Variants in DAB1 observed in about 807,000 individuals in gnomAD.
DAB1 encodes the protein DAB adaptor protein 1.
In DAB1, 15 loss-of-function variants were observed where a neutral mutation model predicts 64.6. The ratio of observed to expected loss-of-function variants is 0.23; its 90% confidence interval spans 0.16 to 0.36. DAB1 has a LOEUF of 0.36. DAB1 is among the 10% of genes least tolerant of loss of function. The pLI is 1.00. For missense variants in DAB1, 596 were observed against 706.7 expected (o/e 0.84, Z 1.78); for synonymous variants, 235 against 251.9 (o/e 0.93, Z 0.64).
chr1:58,532,090 A>C (rs1646442932), intron 1 of DAB1, among the ~76,000 whole-genome samples: 1 of 152,228 alleles, frequency 6.6e-6, no homozygotes, highest in African/African-American at 2.4e-5. Context: ...GTTATTAAAG[A>C]ATATAATTGC....
At chr1:57,752,339 CG>C (rs1319785744) in intron 6 of DAB1, among the ~76,000 whole-genome samples, 1 of 152,010 alleles carries the variant, frequency 6.6e-6, no homozygotes, top group East Asian at 1.9e-4. Context: ...AGATATAAGC[CG>C]GGTTTTGATG....
At chr1:57,454,861 C>T (rs1686524168) in intron 7 of DAB1, among the ~76,000 whole-genome samples, 1 of 151,702 alleles carries the variant, frequency 6.6e-6, no homozygotes, top group Non-Finnish European at 1.5e-5. Context: ...AATCAATAAA[C>T]AAAAAGAAAT....
chr1:57,210,518 G>C (rs1665918586), intron 2 of DAB1, among the ~76,000 whole-genome samples: 1 of 152,144 alleles, frequency 6.6e-6, no homozygotes, highest in Admixed American at 6.6e-5. Context: ...TGTTATAAAA[G>C]GGCCGTGTCT....
chr1:57,246,753 C>A (rs1317570211), intron 2 of DAB1, among the ~76,000 whole-genome samples: 1 of 152,230 alleles, frequency 6.6e-6, no homozygotes, highest in Non-Finnish European at 1.5e-5. Context: ...GCTCCAGGGG[C>A]AGAGCTGCCC....
intron 4 of DAB1, among the ~76,000 whole-genome samples, chr1:57,126,695 C>T (rs2100768199): frequency 6.6e-6 from 1 of 152,220 alleles, no homozygotes; most frequent in South Asian, 2.1e-4. Context: ...TTCCTCATTG[C>T]AGTTCAATAT....
intron 3 of DAB1, among the ~76,000 whole-genome samples, chr1:58,371,713 A>G (rs1160330101): frequency 1.3e-5 from 2 of 152,158 alleles, no homozygotes; most frequent in Non-Finnish European, 2.9e-5. Context: ...CTGCTCTGTG[A>G]AGCCTCAGGA....
At chr1:57,448,066 C>T (rs1321619555) in intron 7 of DAB1, among the ~76,000 whole-genome samples, 2 of 152,160 alleles carry the variant, frequency 1.3e-5, no homozygotes, top group African/African-American at 2.4e-5. Flanking sequence ...ACTGTATTTA[C>T]GATTGCTTCT....
chr1:58,322,865 A>T (rs12083496), intron 4 of DAB1, among the ~76,000 whole-genome samples: 3,501 of 152,264 alleles, frequency 0.023, 157 homozygotes, highest in African/African-American at 0.08. Context: ...GATAGACTGG[A>T]TTAAGAAAAT....
At chr1:58,253,431 C>A in intron 4 of DAB1, among the ~76,000 whole-genome samples, 1 of 152,128 alleles carries the variant, frequency 6.6e-6, no homozygotes, top group Admixed American at 6.5e-5. Context: ...CTCCCCTTGG[C>A]TGATTTCAAG....
chr1:58,353,076 C>G (rs1164677611), intron 3 of DAB1, among the ~76,000 whole-genome samples: 5 of 152,010 alleles, frequency 3.3e-5, no homozygotes, highest in African/African-American at 1.2e-4. Flanking sequence ...GCCACGCTGC[C>G]GAATCGAACC....
chr1:58,397,117 T>G (rs1038234573), intron 3 of DAB1, among the ~76,000 whole-genome samples: 8 of 143,350 alleles, frequency 5.6e-5, no homozygotes, highest in African/African-American at 1.8e-4. Flanking sequence ...AAGAGAGAAG[T>G]AGGTAAAGGG....
rs182187162 is a variant in DAB1 at position 57,569,352 on chromosome 1, G to A, written n.625+80240C>T. Among the ~76,000 whole-genome samples, 814 of 151,318 alleles carry A rather than the reference G, an allele frequency of 5.4e-3. 9 individuals carry two copies. The highest frequency in any genetic ancestry group is 0.019 in the African/African-American group (785 of 41,282). Reference sequence around the variant, plus strand: ...GGAACCAACCCAAATGTCCATCAGTGATAGACTGGATTAAGAAAATGTGGC... The same window carrying A: ...GGAACCAACCCAAATGTCCATCAGTAATAGACTGGATTAAGAAAATGTGGC... On this transcript the variant is annotated intron_variant and non_coding_transcript_variant, in intron 7 of 20. Coordinates refer to the DAB1 transcript ENST00000485760.
intron 6 of DAB1, among the ~76,000 whole-genome samples, chr1:57,818,242 A>G (rs1248944132): frequency 2.6e-5 from 4 of 152,208 alleles, no homozygotes; most frequent in Non-Finnish European, 5.9e-5. Context: ...TGAGTAAGAT[A>G]TAAAAATGCT....
chr1:57,189,252 A>G (rs1182901422), intron 2 of DAB1, among the ~76,000 whole-genome samples: 1 of 152,168 alleles, frequency 6.6e-6, no homozygotes, highest in Non-Finnish European at 1.5e-5. Flanking sequence ...ACATTTGGAA[A>G]ATCGTATCAA....
At chr1:57,708,712 T>C (rs1646994767) in intron 6 of DAB1, among the ~76,000 whole-genome samples, 1 of 152,156 alleles carries the variant, frequency 6.6e-6, no homozygotes, top group African/African-American at 2.4e-5. Context: ...TATGTTCCAC[T>C]GTGATACGAC....
At chr1:57,480,099 T>C (rs1227073237) in intron 7 of DAB1, among the ~76,000 whole-genome samples, 2 of 144,514 alleles carry the variant, frequency 1.4e-5, no homozygotes, top group Non-Finnish European at 3.0e-5. Context: ...TTGCAGTGAG[T>C]CGAGATCGCG....
At chr1:57,396,740 G>A (rs921432254) in intron 1 of DAB1, among the ~76,000 whole-genome samples, 1 of 152,168 alleles carries the variant, frequency 6.6e-6, no homozygotes, top group Non-Finnish European at 1.5e-5. Flanking sequence ...CAAGATGGAT[G>A]CTGCCTCTTA....
intron 1 of DAB1, among the ~76,000 whole-genome samples, chr1:57,315,501 A>G (rs889869702): frequency 6.6e-6 from 1 of 152,004 alleles, no homozygotes; most frequent in African/African-American, 2.4e-5. Context: ...AAGCTTACCT[A>G]TTATATGATC....
chr1:57,607,717 T>A (rs2101596887), intron 7 of DAB1, among the ~76,000 whole-genome samples: 1 of 152,320 alleles, frequency 6.6e-6, no homozygotes, highest in South Asian at 2.1e-4. Context: ...ATTTATTTCC[T>A]CTTTCTCCCA....
Sources: allele counts gnomAD v4.1 joint callset (sites outside exome capture counted in the v4.1 genomes callset), GRCh38; gene constraint gnomAD v4.1.1; transcripts MANE v1.5; gene names NCBI Gene and HGNC (gene_info 2026-07-23, HGNC 2026-07-21).